GABRG3: variants seen among roughly 807,000 people sequenced by gnomAD.
GABRG3 encodes gamma-aminobutyric acid receptor subunit gamma-3.
GABRG3 carries 25 observed loss-of-function variants against 48.8 expected under a neutral mutation model. That is an observed-to-expected ratio of 0.51 (90% CI 0.37 to 0.72). The LOEUF (loss-of-function observed/expected upper bound fraction) is 0.72. GABRG3 is among the 30% of genes least tolerant of loss of function. GABRG3 has a pLI of 0.00. For synonymous variants in GABRG3, 227 were observed against 217.6 expected (o/e 1.04, Z -0.38); for missense variants, 394 against 577.9 (o/e 0.68, Z 3.26).
chr15:27,353,869 G>C (rs1691935413), intron 5 of GABRG3, among the ~76,000 whole-genome samples: 1 of 152,180 alleles, frequency 6.6e-6, no homozygotes, highest in African/African-American at 2.4e-5. Flanking sequence ...TTTTCTCTGA[G>C]ATGCTGTGCA....
intron 2 of GABRG3, among the ~76,000 whole-genome samples, chr15:27,003,992 C>T (rs966109740): frequency 6.7e-6 from 1 of 148,608 alleles, no homozygotes; most frequent in Admixed American, 6.6e-5. Context: ...TGACCCCCCA[C>T]CTCCCTCCCG....
intron 5 of GABRG3, among the ~76,000 whole-genome samples, chr15:27,405,476 C>T (rs1249011429): frequency 2.6e-5 from 4 of 152,174 alleles, no homozygotes; most frequent in African/African-American, 9.7e-5. Flanking sequence ...TTTACACTGA[C>T]AGTTGGAAAA....
intron 3 of GABRG3, among the ~76,000 whole-genome samples, chr15:27,195,724 T>A (rs1888474009): frequency 6.6e-6 from 1 of 152,026 alleles, no homozygotes; most frequent in South Asian, 2.1e-4. Context: ...AACCTCTGCC[T>A]CCCAGGTTCA....
chr15:27,229,569 C>T (rs952738832), intron 3 of GABRG3, among the ~76,000 whole-genome samples: 6 of 151,864 alleles, frequency 4.0e-5, no homozygotes, highest in South Asian at 2.1e-4. Flanking sequence ...TTCTACCTCC[C>T]GGGTTCAAGC....
intron 3 of GABRG3, among the ~76,000 whole-genome samples, chr15:27,145,241 A>G (rs2140392336): frequency 6.6e-6 from 1 of 152,260 alleles, no homozygotes; most frequent in Middle Eastern, 3.4e-3. Flanking sequence ...AAGGACTTTA[A>G]ATCAGCTACC....
chr15:27,314,026 G>A (rs1182226181), intron 3 of GABRG3, among the ~76,000 whole-genome samples: 1 of 152,000 alleles, frequency 6.6e-6, no homozygotes, highest in African/African-American at 2.4e-5. Flanking sequence ...AAAGCTAAGA[G>A]TGTTTTCAAA....
intron 3 of GABRG3, among the ~76,000 whole-genome samples, chr15:27,286,006 G>T (rs1199792012): frequency 6.6e-6 from 1 of 152,104 alleles, no homozygotes; most frequent in Non-Finnish European, 1.5e-5. Flanking sequence ...AATTAGGTTG[G>T]GATCTTACTT....
intron 5 of GABRG3, among the ~76,000 whole-genome samples, chr15:27,432,236 C>T (rs1003423819): frequency 3.9e-5 from 6 of 152,134 alleles, no homozygotes; most frequent in Admixed American, 2.6e-4. Context: ...AGCTTTGTTT[C>T]GATATGGCTA....
chr15:27,030,430 T>C (rs142282968), intron 3 of GABRG3, among the ~76,000 whole-genome samples: 197 of 152,360 alleles, frequency 1.3e-3, no homozygotes, highest in African/African-American at 4.4e-3. Flanking sequence ...ATCTTTGTCT[T>C]GTTTATCCTG....
rs911075713 is a variant in GABRG3, at chr15:27,541,574, G to A, written c.*8693G>A. ...CATTTTGGAATCATCTTAGAGCACC[G>A]GTGTGGATGCGCTTGGCCCCGAGGG... On this transcript the variant is annotated 3_prime_UTR_variant, in exon 10 of 10. Coordinates refer to ENST00000615808, the MANE Select transcript of GABRG3 (RefSeq NM_033223.5). The A allele has an allele frequency of 2.3e-4, 35 of 152,410 alleles. No homozygotes were observed. The highest frequency in any genetic ancestry group is 7.7e-4 in the African/African-American group (32 of 41,592). 9.4% of individuals were successfully genotyped at this position (152,410 alleles called of 1,614,324 possible). A position where few individuals can be genotyped will look rare whatever the true frequency, so the allele number is the denominator to read the frequency against.
rs1895681733 is a variant in GABRG3, at chr15:27,011,291, C to G, written c.203-15463C>G. 2.0e-5 allele frequency among the ~76,000 whole-genome samples: 3 copies of G among 152,326 alleles called. No individual in the cohort carries two copies. In the South Asian group the frequency reaches 6.2e-4, roughly 32 times the overall value. On this transcript the variant is annotated intron_variant, in intron 2 of 9. Coordinates refer to ENST00000615808, the MANE Select transcript of GABRG3 (RefSeq NM_033223.5). ...TATTGTGACGTGTACAACTTTGACA[C>G]TTTCTTCAGAAGGACCCATTTCTCT...
chr15:27,176,238 C>T (rs914372033), intron 3 of GABRG3, among the ~76,000 whole-genome samples: 1 of 152,124 alleles, frequency 6.6e-6, no homozygotes, highest in Non-Finnish European at 1.5e-5. Flanking sequence ...CTTTTTATGC[C>T]TTTATTTTAA....
intron 5 of GABRG3, among the ~76,000 whole-genome samples, chr15:27,370,965 C>G (rs1895392743): frequency 6.6e-6 from 1 of 152,156 alleles, no homozygotes; most frequent in South Asian, 2.1e-4. Flanking sequence ...CCTTCTCAAA[C>G]TGAAGGTCAA....
intron 3 of GABRG3, among the ~76,000 whole-genome samples, chr15:27,218,021 G>A (rs1313505618): frequency 6.6e-6 from 1 of 152,066 alleles, no homozygotes; most frequent in African/African-American, 2.4e-5. Flanking sequence ...CCACTTCTCC[G>A]AACTGCAGGG....
chr15:27,309,112 A>G (rs1892898889), intron 3 of GABRG3, among the ~76,000 whole-genome samples: 2 of 150,536 alleles, frequency 1.3e-5, no homozygotes, highest in East Asian at 1.9e-4. Context: ...AGATGTTTAT[A>G]TAGAAACATA....
chr15:27,323,074 G>C (rs994699537), intron 3 of GABRG3, among the ~76,000 whole-genome samples: 1 of 152,098 alleles, frequency 6.6e-6, no homozygotes, highest in Admixed American at 6.5e-5. Context: ...GCTCCTAATG[G>C]GGATGGAGAC....
chr15:27,021,543 C>G (rs906683752), intron 2 of GABRG3, among the ~76,000 whole-genome samples: 2 of 152,140 alleles, frequency 1.3e-5, no homozygotes, highest in Non-Finnish European at 2.9e-5. Flanking sequence ...GACACTTACT[C>G]GAAATTTATG....
intron 3 of GABRG3, among the ~76,000 whole-genome samples, chr15:27,214,696 T>C (rs201126551): frequency 3.0e-5 from 1 of 33,058 alleles, no homozygotes; most frequent in South Asian, 1.3e-3. Context: ...ACATCCACAT[T>C]TTTTTTTTTT....
At chr15:27,239,282 G>A (rs1484206216) in intron 3 of GABRG3, among the ~76,000 whole-genome samples, 1 of 152,150 alleles carries the variant, frequency 6.6e-6, no homozygotes, top group African/African-American at 2.4e-5. Flanking sequence ...TGTTTTGTAT[G>A]GAGTCTTTTT....
Sources: gnomAD v4.1 joint callset for allele counts (sites outside exome capture counted in the v4.1 genomes callset) on GRCh38, gnomAD v4.1.1 for gene constraint, MANE v1.5 for transcripts, NCBI Gene and HGNC (gene_info 2026-07-23, HGNC 2026-07-21) for gene names.